APOOL: variants seen among roughly 807,000 people sequenced by gnomAD.
APOOL encodes the protein MICOS complex subunit MIC27.
APOOL carries 12 observed loss-of-function variants against 23.1 expected under a neutral mutation model. The ratio of observed to expected loss-of-function variants is 0.52; its 90% CI spans 0.33 to 0.84. The LOEUF (loss-of-function observed/expected upper bound fraction) is 0.84. Ranked by LOEUF, APOOL falls within the 40% of genes least tolerant of loss-of-function variation. The pLI, the probability that APOOL is intolerant of heterozygous loss-of-function variation, is 0.02. For missense variants in APOOL, 212 were observed against 199.6 expected (o/e 1.06, Z -0.37); for synonymous variants, 77 against 69.9 (o/e 1.10, Z -0.51).
At position 85,092,565 on chromosome X, in the gene APOOL, T is replaced by C. The variant is rs1390071560; in HGVS notation, c.*4887T>C. The C allele has an allele frequency of 1.7e-6, 2 of 1,196,473 alleles. No homozygotes were observed. On this transcript the variant is annotated 3_prime_UTR_variant, in exon 9 of 9. Coordinates refer to ENST00000373173, the MANE Select transcript of APOOL (RefSeq NM_198450.6). ...TACATTGAGTTGTGATGGCTATCTG[T>C]TTAAAAACAAACAAGCAAATATTAC...
In APOOL at chrX:85,089,061, T is replaced by C. The variant is rs892003348; in HGVS notation, c.*1383T>C. Reference sequence around the variant, plus strand: ...ACAAAAGTAAATATTGTCCCTTTTTTCCCTACTTTCAAGTCCTCTCTGTCT... The same window carrying C: ...ACAAAAGTAAATATTGTCCCTTTTTCCCCTACTTTCAAGTCCTCTCTGTCT... On this transcript the variant is annotated 3_prime_UTR_variant, in exon 9 of 9. Coordinates refer to ENST00000373173, the MANE Select transcript of APOOL (RefSeq NM_198450.6). 9.0e-6 allele frequency: 1 copy of C among 111,658 alleles called. No individual in the cohort carries two copies. The highest frequency in any genetic ancestry group is 1.9e-5 in the Non-Finnish European group (1 of 53,138). 9.2% of individuals were successfully genotyped at this position (111,658 alleles called of 1,213,427 possible).
chrX:85,057,659 G>A (rs910172037), intron 5 of APOOL, among the ~76,000 whole-genome samples: 4 of 105,383 alleles, frequency 3.8e-5, no homozygotes, highest in Non-Finnish European at 7.8e-5. Context: ...CATCTGAATG[G>A]ATGATATATA....
chrX:85,045,337 C>G (rs1305805823), intron 1 of APOOL, among the ~76,000 whole-genome samples: 6 of 111,482 alleles, frequency 5.4e-5, no homozygotes, highest in Non-Finnish European at 1.1e-4. Context: ...AGAGTCCTGC[C>G]CAGTTTAAAC....
intron 6 of APOOL, among the ~76,000 whole-genome samples, chrX:85,071,882 C>T (rs765792736): frequency 8.9e-6 from 1 of 112,081 alleles, no homozygotes; most frequent in South Asian, 3.7e-4. Context: ...ATCACGAGGT[C>T]AGGAGATCGA....
chrX:85,041,971 A>G (rs747243263), intron 1 of APOOL, among the ~76,000 whole-genome samples: 4 of 111,046 alleles, frequency 3.6e-5, no homozygotes, highest in Non-Finnish European at 5.7e-5. Flanking sequence ...TTCACTGGCT[A>G]CTGTGTATCT....
At chrX:85,016,674 G>C (rs1323440023) in intron 1 of APOOL, among the ~76,000 whole-genome samples, 3 of 111,336 alleles carry the variant, frequency 2.7e-5, no homozygotes, top group Non-Finnish European at 5.7e-5. Context: ...GGGGGTACAA[G>C]GTCCCCTTCT....
chrX:85,043,175 T>A (rs766706124), intron 1 of APOOL, among the ~76,000 whole-genome samples: 25 of 111,670 alleles, frequency 2.2e-4, no homozygotes, highest in Non-Finnish European at 4.1e-4. Context: ...AGAGCCAGTA[T>A]TTAATCTCTC....
chrX:85,068,904 T>C (rs139068067), intron 6 of APOOL, among the ~76,000 whole-genome samples: 5,426 of 111,485 alleles, frequency 0.049, 129 homozygotes, highest in Non-Finnish European at 0.072. Context: ...TACACAGAGA[T>C]AGAAAAACTG....
At chrX:85,073,228 A>G (rs933476947) in intron 6 of APOOL, among the ~76,000 whole-genome samples, 1 of 111,419 alleles carries the variant, frequency 9.0e-6, no homozygotes, top group Non-Finnish European at 1.9e-5. Flanking sequence ...ATGTTTGTAG[A>G]AATTATAATC....
intron 1 of APOOL, among the ~76,000 whole-genome samples, chrX:85,043,596 A>G (rs1569456161): frequency 1.8e-5 from 2 of 111,453 alleles, no homozygotes; most frequent in East Asian, 5.6e-4. Context: ...TTTTTCAGAA[A>G]TTTTCAATGT....
At chrX:85,085,440 C>T (rs1192532527) in intron 8 of APOOL, among the ~76,000 whole-genome samples, 2 of 111,629 alleles carry the variant, frequency 1.8e-5, no homozygotes, top group Non-Finnish European at 3.8e-5. Context: ...ATTACCTGTA[C>T]CATCATGAAT....
intron 8 of APOOL, among the ~76,000 whole-genome samples, chrX:85,082,022 G>A (rs896070965): frequency 3.6e-5 from 4 of 111,407 alleles, no homozygotes; most frequent in South Asian, 3.8e-4. Context: ...ACTTCCTTGC[G>A]GTGGGTTCGA....
At chrX:85,004,029 G>T (rs1769889229) in intron 1 of APOOL, 102 bp downstream of exon 1, 1 of 1,032,551 alleles carries the variant, frequency 9.7e-7, no homozygotes, top group Non-Finnish European at 1.4e-6. Context: ...GAAACAAGGG[G>T]CAGGGTGGAG....
chrX:85,018,530 A>C lies in APOOL; in HGVS notation c.15+14603A>C, dbSNP rs541640454. 5.4e-5 allele frequency among the ~76,000 whole-genome samples: 6 copies of C among 111,195 alleles called. No homozygotes were observed. The South Asian group carries it at 2.3e-3, about 43-fold the overall frequency. ...GAGATTTGGAGGGGACAAACATCCAAATGTGATCGGTGATTCAGTTGATGG... is the reference window on the plus strand; with the variant it reads ...GAGATTTGGAGGGGACAAACATCCACATGTGATCGGTGATTCAGTTGATGG... On this transcript the variant is annotated intron_variant, in intron 1 of 8. Coordinates refer to ENST00000373173, the MANE Select transcript of APOOL (RefSeq NM_198450.6).
In APOOL at chrX:85,051,476, A is replaced by G; in HGVS notation, c.208A>G (p.Thr70Ala). 8.3e-7 allele frequency: 1 copy of G among 1,211,350 alleles called. No individual in the cohort carries two copies. Among genetic ancestry groups the G allele is most frequent in the Non-Finnish European group, 1.1e-6 (1 of 895,208 alleles). ...HLQMGFASIRTATGCYIGWCK... is the reference protein window; with the variant it reads ...HLQMGFASIRAATGCYIGWCK... Reference sequence around the variant, plus strand: ...ACAAATGGGCTTTGCTTCCATCCGCACTGCAACTGGTTGTTACATTGGCTG... The same window carrying G: ...ACAAATGGGCTTTGCTTCCATCCGCGCTGCAACTGGTTGTTACATTGGCTG... The change falls in exon 3 of 9, where the codon ACT becomes GCT. Residue 70 changes from threonine to alanine, a missense_variant. Thr to Ala is a moderately conservative substitution (Grantham distance 58, BLOSUM62 0). Transcript: ENST00000373173.
chrX:85,010,191 C>T (rs1282256564), intron 1 of APOOL, among the ~76,000 whole-genome samples: 2 of 111,522 alleles, frequency 1.8e-5, no homozygotes, highest in Admixed American at 9.5e-5. Flanking sequence ...CAGCATTTAC[C>T]GTCGTCAATG....
At chrX:85,031,373 C>A (rs768962851) in intron 1 of APOOL, among the ~76,000 whole-genome samples, 2 of 110,957 alleles carry the variant, frequency 1.8e-5, no homozygotes, top group Non-Finnish European at 3.8e-5. Flanking sequence ...CGTGCAAAGT[C>A]TTTTGGATAT....
chrX:85,056,988 A>T (rs1489618328), intron 5 of APOOL, among the ~76,000 whole-genome samples: 1 of 111,638 alleles, frequency 9.0e-6, no homozygotes, highest in Non-Finnish European at 1.9e-5. Context: ...AAATGGAATC[A>T]TACATAGACT....
chrX:85,024,483 G>A (rs774095034), intron 1 of APOOL, among the ~76,000 whole-genome samples: 1 of 112,087 alleles, frequency 8.9e-6, no homozygotes, highest in African/African-American at 3.2e-5. Flanking sequence ...ATAACAATCC[G>A]GAGCATAAAT....
Sources: allele counts gnomAD v4.1 joint callset (sites outside exome capture counted in the v4.1 genomes callset), GRCh38; gene constraint gnomAD v4.1.1; transcripts MANE v1.5; gene names NCBI Gene and HGNC (gene_info 2026-07-23, HGNC 2026-07-21).